TMTC1: variants seen among roughly 807,000 people sequenced by gnomAD.
TMTC1 encodes transmembrane O-mannosyltransferase targeting cadherins 1.
In TMTC1, 73 loss-of-function variants were observed where a neutral mutation model predicts 104.8. That is an observed-to-expected ratio of 0.70 (90% CI 0.58 to 0.85). TMTC1 has a LOEUF of 0.85. Ranked by LOEUF, TMTC1 falls within the 40% of genes least tolerant of loss-of-function variation. The probability of loss-of-function intolerance (pLI) is 0.00; values close to 1 mark genes in which losing one functional copy is unlikely to be tolerated. For synonymous variants in TMTC1, 434 were observed against 428.7 expected, an observed-to-expected ratio of 1.01 and a Z score of -0.15; for missense variants, 1,035 against 1,096.1, an observed-to-expected ratio of 0.94 and a Z score of 0.79.
intron 13 of TMTC1, 113 bp from the exon 14 acceptor site, chr12:29,517,684 G>T: frequency 8.1e-7 from 1 of 1,239,368 alleles, no homozygotes; most frequent in Non-Finnish European, 1.1e-6. Context: ...CTCCAATACG[G>T]TCTTTGTTTT....
intron 5 of TMTC1, among the ~76,000 whole-genome samples, chr12:29,675,628 A>C (rs2350661): frequency 9.2e-5 from 7 of 76,456 alleles, no homozygotes; most frequent in African/African-American, 4.2e-4. Flanking sequence ...ACACACACAC[A>C]CACCCTCCAT....
intron 5 of TMTC1, among the ~76,000 whole-genome samples, chr12:29,726,618 G>A (rs1181875864): frequency 6.6e-6 from 1 of 152,084 alleles, no homozygotes; most frequent in African/African-American, 2.4e-5. Flanking sequence ...AATTAGATCT[G>A]TCTTCTCTCC....
rs373523518 is a variant in TMTC1 at position 29,623,673 on chromosome 12, C to T, written c.1128+9474G>A. On this transcript the variant is annotated intron_variant, in intron 6 of 17. Transcript: ENST00000539277. ...ACTGAAAATACAAAAATTAGCCAGG[C>T]GCAATGGCGGTCACCTGTAATTCCA... is the stretch of plus-strand genomic sequence containing the variant. Among the ~76,000 whole-genome samples, 604 of 152,090 alleles carry T rather than the reference C, an allele frequency of 4.0e-3. 7 individuals carry two copies. The highest frequency in any genetic ancestry group is 2.7e-3 in the Non-Finnish European group (182 of 68,014).
intron 2 of TMTC1, among the ~76,000 whole-genome samples, chr12:29,763,754 G>A (rs192100737): frequency 5.3e-5 from 8 of 152,330 alleles, no homozygotes; most frequent in African/African-American, 1.4e-4. Context: ...AGCTCAAGGC[G>A]AGAGGAAGCT....
intron 6 of TMTC1, 91 bp from the exon 7 acceptor site, chr12:29,604,390 A>G (rs755278648): frequency 7.2e-6 from 11 of 1,533,730 alleles, no homozygotes; most frequent in Non-Finnish European, 9.8e-6. Flanking sequence ...CAGGTTCTCA[A>G]TGAAGAAATG....
rs565374331 is a variant in TMTC1, at chr12:29,656,595, C to T, written c.939-23259G>A. Among the ~76,000 whole-genome samples the T allele has an allele frequency of 1.1e-4, 16 of 151,986 alleles. No homozygotes were observed. The South Asian group carries it at 3.3e-3, about 32-fold the overall frequency. On this transcript the variant is annotated intron_variant, in intron 5 of 17. Transcript: ENST00000539277. Reference sequence around the variant, plus strand: ...ATATTTTATATTTGAAACACAAGAACAGAAAGATGTTTCTCAAAAGAAAGG... The same window carrying T: ...ATATTTTATATTTGAAACACAAGAATAGAAAGATGTTTCTCAAAAGAAAGG...
At chr12:29,764,683 C>T (rs970823091) in intron 2 of TMTC1, among the ~76,000 whole-genome samples, 12 of 152,276 alleles carry the variant, frequency 7.9e-5, no homozygotes, top group Non-Finnish European at 1.2e-4. Flanking sequence ...CTGCCTCCTT[C>T]TTAGACTTCC....
At chr12:29,528,031 G>C (rs1244062091) in intron 11 of TMTC1, among the ~76,000 whole-genome samples, 1 of 152,122 alleles carries the variant, frequency 6.6e-6, no homozygotes, top group Non-Finnish European at 1.5e-5. Flanking sequence ...TTCATGGAAT[G>C]ATCAACTCTA....
intron 5 of TMTC1, among the ~76,000 whole-genome samples, chr12:29,642,939 CCAAA>C (rs1189431373): frequency 1.3e-4 from 19 of 149,610 alleles, no homozygotes; most frequent in Admixed American, 2.7e-4. Context: ...AAAAAAACTC[CCAAA>C]CAAACAAACA....
chr12:29,520,100 TTAAG>T (rs1463552889), intron 12 of TMTC1, among the ~76,000 whole-genome samples: 8 of 152,162 alleles, frequency 5.3e-5, no homozygotes, highest in African/African-American at 7.2e-5. Flanking sequence ...ATGTTTTGCA[TTAAG>T]TAAGATAAAG....
chr12:29,653,657 T>C (rs1171206113), intron 5 of TMTC1, among the ~76,000 whole-genome samples: 4 of 152,212 alleles, frequency 2.6e-5, no homozygotes, highest in Non-Finnish European at 4.4e-5. Context: ...GGAAAAGTTA[T>C]TGGTCAGTCA....
At chr12:29,526,500 G>T (rs1944348809) in intron 11 of TMTC1, among the ~76,000 whole-genome samples, 1 of 152,100 alleles carries the variant, frequency 6.6e-6, no homozygotes, top group African/African-American at 2.4e-5. Context: ...TGTTTTCTTG[G>T]TATTCAATTA....
intron 10 of TMTC1, among the ~76,000 whole-genome samples, chr12:29,552,609 T>C (rs1945136055): frequency 6.6e-6 from 1 of 152,186 alleles, no homozygotes; most frequent in Non-Finnish European, 1.5e-5. Context: ...TCTATTTCCT[T>C]ACTAAAGGAC....
At chr12:29,581,019 T>C (rs556122998) in intron 8 of TMTC1, among the ~76,000 whole-genome samples, 1 of 152,284 alleles carries the variant, frequency 6.6e-6, no homozygotes, top group Admixed American at 6.5e-5. Flanking sequence ...TCTTACACTA[T>C]ACTCAGGAGA....
chr12:29,574,359 GT>G (rs59743476), intron 8 of TMTC1, among the ~76,000 whole-genome samples: 2 of 151,890 alleles, frequency 1.3e-5, no homozygotes, highest in Non-Finnish European at 2.9e-5. Context: ...GCCTGGGCCA[GT>G]TTTTTTTGTT....
At chr12:29,632,025 T>C (rs1938325089) in intron 6 of TMTC1, among the ~76,000 whole-genome samples, 1 of 152,202 alleles carries the variant, frequency 6.6e-6, no homozygotes, top group African/African-American at 2.4e-5. Flanking sequence ...CTTGTGCATA[T>C]GTCATTTAAC....
intron 6 of TMTC1, among the ~76,000 whole-genome samples, chr12:29,614,665 A>C (rs1946931940): frequency 6.6e-6 from 1 of 152,206 alleles, no homozygotes; most frequent in Admixed American, 6.5e-5. Flanking sequence ...TCACCAAAGC[A>C]CAACAGCTCA....
chr12:29,752,881 G>A (rs1009161879), intron 4 of TMTC1, among the ~76,000 whole-genome samples: 3 of 152,246 alleles, frequency 2.0e-5, no homozygotes. Context: ...CCTCTGGAGA[G>A]AGAGGATAAG....
At chr12:29,689,549 G>A (rs568468496) in intron 5 of TMTC1, among the ~76,000 whole-genome samples, 16 of 152,206 alleles carry the variant, frequency 1.1e-4, no homozygotes, top group Admixed American at 8.5e-4. Flanking sequence ...TCCCGACCTC[G>A]TGATCTGTCC....
Sources: gnomAD v4.1 joint callset for allele counts (sites outside exome capture counted in the v4.1 genomes callset) on GRCh38, gnomAD v4.1.1 for gene constraint, MANE v1.5 for transcripts, NCBI Gene and HGNC (gene_info 2026-07-23, HGNC 2026-07-21) for gene names.